The following ZC4H2 variants were observed in gnomAD, a reference collection of about 807,000 sequenced individuals.
ZC4H2 encodes the protein zinc finger C4H2-type containing.
For synonymous variants in ZC4H2, 84 were observed against 66.3 expected (o/e 1.27, Z -1.30); for missense variants, 137 against 173.9 (o/e 0.79, Z 1.19).
intron 1 of ZC4H2, among the ~76,000 whole-genome samples, chrX:64,934,007 C>T (rs756364744): frequency 9.0e-6 from 1 of 111,543 alleles, no homozygotes; most frequent in South Asian, 3.8e-4. Flanking sequence ...ACCTCAATTC[C>T]CCTGCCAGGC....
intron 1 of ZC4H2, among the ~76,000 whole-genome samples, chrX:64,969,265 C>T (rs1015987752): frequency 9.0e-6 from 1 of 111,532 alleles, no homozygotes; most frequent in African/African-American, 3.3e-5. Context: ...TTCTTTCTGG[C>T]AAATATGGAA....
At chrX:64,978,299 G>C (rs1297923024), upstream of ZC4H2, among the ~76,000 whole-genome samples, 1 of 111,860 alleles carries the variant, frequency 8.9e-6, no homozygotes, top group Non-Finnish European at 1.9e-5. Flanking sequence ...CTCTTCTTTG[G>C]ATCCAAGATG....
rs890997056 is a variant in ZC4H2 at position 64,938,737 on chromosome X, C to T, written c.54-16749G>A. The stretch of plus-strand genomic sequence containing the variant: ...AAAAGGCCTGTGACATAATTCAACA[C>T]CCCTTTATGCTAAAAACTCTCAATA... On this transcript the variant is annotated intron_variant, in intron 1 of 4. Transcript: ENST00000374839. Among the ~76,000 whole-genome samples the T allele has an allele frequency of 9.6e-4, 107 of 111,718 alleles. 1 individual carries two copies. Among genetic ancestry groups the T allele is most frequent in the African/African-American group, 3.4e-3 (103 of 30,739 alleles).
intron 4 of ZC4H2, chrX:64,918,784 C>G (rs185148506): frequency 3.7e-6 from 1 of 271,209 alleles, no homozygotes; most frequent in African/African-American, 2.8e-5. Flanking sequence ...AGAGTCATTT[C>G]TAACTTTTAG....
chrX:64,990,566 G>T (rs1932290586), intron 1 of ZC4H2, among the ~76,000 whole-genome samples: 2 of 111,906 alleles, frequency 1.8e-5, no homozygotes, highest in Admixed American at 9.5e-5. Flanking sequence ...GCAACTGCAT[G>T]TGAATCTATA....
chrX:65,003,302 T>C lies in ZC4H2; in HGVS notation c.-272+31327A>G, dbSNP rs764770772. On this transcript the variant is annotated intron_variant, in intron 1 of 4. Coordinates refer to the ZC4H2 transcript ENST00000337990. ...AAAGCAATGTTCAGAGGGAAATTTATAGCACTAAATGCCCACATCAGACAG... is the reference window on the plus strand; with the variant it reads ...AAAGCAATGTTCAGAGGGAAATTTACAGCACTAAATGCCCACATCAGACAG... 2.7e-5 allele frequency among the ~76,000 whole-genome samples: 3 copies of C among 111,696 alleles called. No homozygotes were observed. In the Admixed American group the frequency reaches 2.8e-4, roughly 11 times the overall value.
upstream of ZC4H2, among the ~76,000 whole-genome samples, chrX:64,978,362 T>A (rs1932011594): frequency 8.9e-6 from 1 of 112,245 alleles, no homozygotes; most frequent in South Asian, 3.7e-4. Flanking sequence ...TTTCCTATTG[T>A]CTTGAAGGTT....
intron 1 of ZC4H2, among the ~76,000 whole-genome samples, chrX:65,029,768 T>C (rs928469128): frequency 1.4e-4 from 15 of 111,065 alleles, no homozygotes; most frequent in Non-Finnish European, 2.1e-4. Flanking sequence ...TAACCTGCAA[T>C]TTTTTTAAGG....
chrX:64,920,684 T>A (rs1276366844), intron 2 of ZC4H2, among the ~76,000 whole-genome samples: 2 of 112,378 alleles, frequency 1.8e-5, no homozygotes, highest in Non-Finnish European at 3.8e-5. Flanking sequence ...AAATCCTGCA[T>A]AAAGACTTAG....
chrX:64,994,853 C>T (rs1932380243), intron 1 of ZC4H2, among the ~76,000 whole-genome samples: 1 of 110,984 alleles, frequency 9.0e-6, no homozygotes, highest in Non-Finnish European at 1.9e-5. Context: ...CAGAGATACA[C>T]ACATTGCAAA....
chrX:64,926,834 T>C (rs1048148699), intron 1 of ZC4H2, among the ~76,000 whole-genome samples: 1 of 111,640 alleles, frequency 9.0e-6, no homozygotes, highest in Non-Finnish European at 1.9e-5. Flanking sequence ...CCTGCATATA[T>C]GGAGGGCTGA....
chrX:64,978,068 T>G (rs188677981), upstream of ZC4H2, among the ~76,000 whole-genome samples: 2 of 111,301 alleles, frequency 1.8e-5, no homozygotes, highest in East Asian at 5.7e-4. Flanking sequence ...AGTTTGTGCT[T>G]TCTTTTATTG....
chrX:65,017,401 T>C (rs942154144), intron 1 of ZC4H2, among the ~76,000 whole-genome samples: 2 of 112,436 alleles, frequency 1.8e-5, no homozygotes, highest in Non-Finnish European at 3.7e-5. Flanking sequence ...GGTAGCATAG[T>C]CCAAATAATG....
intron 1 of ZC4H2, among the ~76,000 whole-genome samples, chrX:64,947,370 T>A (rs1429045740): frequency 8.9e-6 from 1 of 111,844 alleles, no homozygotes; most frequent in South Asian, 3.7e-4. Flanking sequence ...TGGTGATGGT[T>A]CTATATCCTT....
upstream of ZC4H2, among the ~76,000 whole-genome samples, chrX:64,981,185 T>C (rs1045047317): frequency 3.6e-5 from 4 of 111,648 alleles, no homozygotes; most frequent in Admixed American, 1.9e-4. Flanking sequence ...GTTTATGTCA[T>C]TGAACTGTTA....
At chrX:65,025,173 C>T (rs1340692477) in intron 1 of ZC4H2, among the ~76,000 whole-genome samples, 2 of 83,615 alleles carry the variant, frequency 2.4e-5, no homozygotes, top group Non-Finnish European at 4.4e-5. Flanking sequence ...TTTTGAGTCA[C>T]GGTCTCGCTC....
chrX:64,998,503 T>C (rs908747105), intron 1 of ZC4H2, among the ~76,000 whole-genome samples: 2 of 112,119 alleles, frequency 1.8e-5, no homozygotes, highest in African/African-American at 6.5e-5. Context: ...TCAAAACATA[T>C]GAAGCAAACA....
intron 1 of ZC4H2, among the ~76,000 whole-genome samples, chrX:65,021,513 T>C (rs1233468121): frequency 9.0e-6 from 1 of 111,260 alleles, no homozygotes; most frequent in African/African-American, 3.3e-5. Context: ...CTGGGACACA[T>C]TTAAAGCAGT....
intron 1 of ZC4H2, among the ~76,000 whole-genome samples, chrX:65,005,710 T>G (rs1932641752): frequency 9.0e-6 from 1 of 111,340 alleles, no homozygotes; most frequent in Admixed American, 9.5e-5. Flanking sequence ...TTGACAAATG[T>G]TATCTAATTA....
Sources: gnomAD v4.1 joint callset for allele counts (sites outside exome capture counted in the v4.1 genomes callset) on GRCh38, gnomAD v4.1.1 for gene constraint, MANE v1.5 for transcripts, NCBI Gene and HGNC (gene_info 2026-07-23, HGNC 2026-07-21) for gene names.